TACC2: variants seen among roughly 807,000 people sequenced by gnomAD.
TACC2 encodes the protein transforming acidic coiled-coil containing protein 2, also known as transforming acidic coiled-coil-containing protein 2.
Under a neutral mutation model 227.3 loss-of-function variants are expected in TACC2, and 137 were observed. The observed-to-expected ratio is 0.60, with a 90% confidence interval of 0.52 to 0.69. The LOEUF (loss-of-function observed/expected upper bound fraction) is 0.69. Among genes scored for constraint, TACC2 ranks in the 30% least tolerant of loss-of-function variants. The pLI, the probability that TACC2 is intolerant of heterozygous loss-of-function variation, is 0.00. For synonymous variants in TACC2, 1,523 were observed against 1,487.5 expected (o/e 1.02, Z -0.55); for missense variants, 3,470 against 3,694.4 (o/e 0.94, Z 1.57).
chr10:122,032,720 G>A (rs576314176), intron 2 of TACC2, among the ~76,000 whole-genome samples: 245 of 152,290 alleles, frequency 1.6e-3, no homozygotes, highest in Middle Eastern at 3.4e-3. Context: ...AGCACTTTGG[G>A]AGACCGAGGT....
chr10:122,230,689 A>G (rs1281181826), intron 16 of TACC2, among the ~76,000 whole-genome samples: 1 of 152,234 alleles, frequency 6.6e-6, no homozygotes, highest in African/African-American at 2.4e-5. Flanking sequence ...ACAGAGACCA[A>G]TGTATGGGTC....
At chr10:122,033,488 G>C (rs1959195299) in intron 2 of TACC2, among the ~76,000 whole-genome samples, 1 of 152,168 alleles carries the variant, frequency 6.6e-6, no homozygotes, top group African/African-American at 2.4e-5. Flanking sequence ...CTTCTACTTT[G>C]ATTTCCTTTG....
At chr10:122,007,063 T>C (rs1441649628) in intron 1 of TACC2, among the ~76,000 whole-genome samples, 1 of 152,112 alleles carries the variant, frequency 6.6e-6, no homozygotes, top group Non-Finnish European at 1.5e-5. Flanking sequence ...GGTTTCTCCA[T>C]GTTGGTCAGG....
chr10:122,237,731 C>T (rs1053743478), intron 17 of TACC2, among the ~76,000 whole-genome samples, 193 bp downstream of exon 17: 1 of 152,224 alleles, frequency 6.6e-6, no homozygotes, highest in Non-Finnish European at 1.5e-5. Flanking sequence ...GTTGAATTTA[C>T]AACAAAAAGC....
intron 7 of TACC2, among the ~76,000 whole-genome samples, chr10:122,181,692 A>G (rs2093975838): frequency 6.6e-6 from 1 of 152,224 alleles, no homozygotes; most frequent in African/African-American, 2.4e-5. Context: ...TTCGTATATT[A>G]AGTGCTTTAA....
At chr10:122,245,585 G>T (rs1158255174) in intron 19 of TACC2, among the ~76,000 whole-genome samples, 2 of 152,158 alleles carry the variant, frequency 1.3e-5, no homozygotes, top group Non-Finnish European at 2.9e-5. Flanking sequence ...TTAGAGACAT[G>T]TTGAAAGGCC....
intron 2 of TACC2, among the ~76,000 whole-genome samples, chr10:122,035,768 C>A (rs1206532317): frequency 6.6e-6 from 1 of 152,090 alleles, no homozygotes; most frequent in Non-Finnish European, 1.5e-5. Context: ...TCCCTCTCCC[C>A]AACCCTTGAT....
chr10:122,087,722 T>A lies in TACC2; in HGVS notation c.5222T>A (p.Val1741Glu). ...TTCTCCGTTGTGGCAGGTGACTTGG[T>A]GCTGCCAGGAAGCTGTCAGGACCCA... Reference protein sequence around the residue: ...RTFSVVAGDLVLPGSCQDPAC... With the variant: ...RTFSVVAGDLELPGSCQDPAC... Residue 1741 changes from valine (V) to glutamate (E), a missense_variant, in exon 4 of 23, where the codon GTG (valine) becomes GAG (glutamate). By Grantham distance (121) the Val-to-Glu change is moderately radical. Transcript: ENST00000369005. The A allele has an allele frequency of 6.2e-7, 1 of 1,612,026 alleles. No homozygotes were observed. The highest frequency in any genetic ancestry group is 8.5e-7 in the Non-Finnish European group (1 of 1,179,568).
chr10:122,011,115 G>A (rs1249762745), intron 1 of TACC2, among the ~76,000 whole-genome samples: 1 of 152,178 alleles, frequency 6.6e-6, no homozygotes, highest in Non-Finnish European at 1.5e-5. Flanking sequence ...AGCCCCATTA[G>A]TCCTTGGGCC....
chr10:122,149,564 C>T (rs1439984144), intron 7 of TACC2, among the ~76,000 whole-genome samples: 1 of 150,218 alleles, frequency 6.7e-6, no homozygotes, highest in Non-Finnish European at 1.5e-5. Context: ...TTCTCCAAGA[C>T]TCCAGAGTTT....
At chr10:122,230,553 A>C (rs1200440020) in intron 16 of TACC2, 113 bp downstream of exon 16, 2 of 948,768 alleles carry the variant, frequency 2.1e-6, no homozygotes, top group Admixed American at 2.0e-5. Flanking sequence ...TGTCCAGCAA[A>C]GAGTCGTTTC....
At chr10:122,226,341 T>G in intron 12 of TACC2, 25 bp from the exon 13 acceptor site, 6 of 1,554,920 alleles carry the variant, frequency 3.9e-6, no homozygotes, top group African/African-American at 1.4e-5. Context: ...GTACCCAAGC[T>G]GATATGTGAT....
At chr10:122,206,459 G>A (rs1035517984) in intron 8 of TACC2, among the ~76,000 whole-genome samples, 4 of 152,210 alleles carry the variant, frequency 2.6e-5, no homozygotes, top group Non-Finnish European at 5.9e-5. Flanking sequence ...AGCCCATGGG[G>A]ACCAGTGTTC....
chr10:122,227,256 A>G (rs1267843275), intron 13 of TACC2, among the ~76,000 whole-genome samples: 1 of 152,178 alleles, frequency 6.6e-6, no homozygotes, highest in Non-Finnish European at 1.5e-5. Context: ...GGAGCAGTGC[A>G]TTGTTTGATC....
chr10:122,165,355 C>T (rs1244366070), intron 7 of TACC2, among the ~76,000 whole-genome samples: 1 of 152,132 alleles, frequency 6.6e-6, no homozygotes, highest in African/African-American at 2.4e-5. Context: ...ACGGCTCAGA[C>T]CTATCTAGTG....
intron 1 of TACC2, 99 bp from the exon 2 acceptor site, chr10:122,021,838 C>A: frequency 2.9e-6 from 2 of 681,840 alleles, no homozygotes; most frequent in South Asian, 1.8e-5. Flanking sequence ...ATAAACATTT[C>A]CCATCATCTG....
chr10:122,087,536 G>A lies in TACC2; in HGVS notation c.5036G>A (p.Ser1679Asn). 1.2e-6 allele frequency: 2 copies of A among 1,613,842 alleles called. No homozygotes were observed. The highest frequency in any genetic ancestry group is 1.7e-6 in the Non-Finnish European group (2 of 1,180,024). The change falls in exon 4 of 23, where the codon AGC becomes AAC. Residue 1679 changes from serine (S) to asparagine (N), a missense_variant. Physicochemically the swap from Ser to Asn is conservative, Grantham distance 46. This residue lies in a region of TACC2 where 1,924 missense variants were observed against 1,978.3 expected (regional missense o/e 0.97). Transcript: ENST00000369005. ...LEMRNALGNQ[S>N]TPAPPTGEVA... ...ATGCGAAATGCCCTGGGCAACCAGAGCACCCCTGCACCACCAACTGGAGAA... is the reference window on the plus strand; with the variant it reads ...ATGCGAAATGCCCTGGGCAACCAGAACACCCCTGCACCACCAACTGGAGAA...
chr10:122,077,264 T>C (rs568053452), intron 3 of TACC2, among the ~76,000 whole-genome samples: 3 of 152,240 alleles, frequency 2.0e-5, no homozygotes, highest in South Asian at 4.2e-4. Flanking sequence ...ACTCGTACAT[T>C]CATATATCAA....
At chr10:122,215,096 T>C (rs2095372840) in intron 9 of TACC2, among the ~76,000 whole-genome samples, 1 of 152,224 alleles carries the variant, frequency 6.6e-6, no homozygotes, top group South Asian at 2.1e-4. Flanking sequence ...ATTTGCTTTA[T>C]AAAATACGAA....
Sources: gnomAD v4.1 joint callset for allele counts (sites outside exome capture counted in the v4.1 genomes callset) on GRCh38, gnomAD v4.1.1 for gene constraint, gnomAD v4.1.1 regional missense constraint, MANE v1.5 for transcripts, NCBI Gene and HGNC (gene_info 2026-07-23, HGNC 2026-07-21) for gene names.